ZFHX3: variants seen among roughly 807,000 people sequenced by gnomAD.
ZFHX3 encodes zinc finger homeobox protein 3.
A neutral mutation model predicts 279.1 loss-of-function variants in ZFHX3; 42 were observed. The observed-to-expected ratio is 0.15, with a 90% CI of 0.12 to 0.19. The LOEUF (loss-of-function observed/expected upper bound fraction) is 0.19. ZFHX3 is among the 10% of genes least tolerant of loss of function. The probability of loss-of-function intolerance (pLI) is 1.00; values close to 1 mark genes in which losing one functional copy is unlikely to be tolerated. For synonymous variants in ZFHX3, 2,293 were observed against 1,957.8 expected, an observed-to-expected ratio of 1.17 and a Z score of -4.52; for missense variants, 4,981 against 4,754.0, an observed-to-expected ratio of 1.05 and a Z score of -1.40.
intron 1 of ZFHX3, among the ~76,000 whole-genome samples, chr16:73,765,367 G>C (rs931589628): frequency 6.6e-6 from 1 of 152,148 alleles, no homozygotes; most frequent in Non-Finnish European, 1.5e-5. Flanking sequence ...TGTGTATATG[G>C]GGGAAATATG....
intron 2 of ZFHX3, among the ~76,000 whole-genome samples, chr16:73,541,058 C>T (rs1421139175): frequency 6.6e-6 from 1 of 152,202 alleles, no homozygotes; most frequent in Non-Finnish European, 1.5e-5. Context: ...TACCCCAAAG[C>T]ACCAGGCCAG....
intron 4 of ZFHX3, among the ~76,000 whole-genome samples, chr16:73,312,225 C>T (rs550925937): frequency 8.6e-5 from 13 of 152,020 alleles, no homozygotes; most frequent in Admixed American, 3.3e-4. Flanking sequence ...TTTAGTCTGA[C>T]GACAAGAACA....
chr16:73,367,305 C>A (rs6564058), intron 3 of ZFHX3, among the ~76,000 whole-genome samples: 4 of 152,028 alleles, frequency 2.6e-5, no homozygotes, highest in African/African-American at 9.7e-5. Context: ...GATGGCTCAC[C>A]GCCCAGAAGA....
Position 73,266,032 on chromosome 16 carries a change from G to A in ZFHX3, c.-1193-8896C>T, listed in dbSNP as rs145953622. Among the ~76,000 whole-genome samples the A allele has an allele frequency of 1.3e-4, 20 of 152,302 alleles. No homozygotes were observed. The East Asian group carries it at 3.9e-3, about 29-fold the overall frequency. On this transcript the variant is annotated intron_variant, in intron 4 of 17. Coordinates refer to the ZFHX3 transcript ENST00000641206. ...AGGAAACACAGCAATGGGGAAGTCC[G>A]TTTCGAAAACAAACCACTTACTCTT...
intron 2 of ZFHX3, among the ~76,000 whole-genome samples, chr16:73,556,902 T>C (rs1258688120): frequency 2.6e-5 from 4 of 151,850 alleles, no homozygotes; most frequent in Non-Finnish European, 5.9e-5. Flanking sequence ...GAGACCATCC[T>C]GGCTCACATG....
At chr16:73,613,874 G>C (rs953954919) in intron 2 of ZFHX3, among the ~76,000 whole-genome samples, 1 of 152,128 alleles carries the variant, frequency 6.6e-6, no homozygotes, top group African/African-American at 2.4e-5. Flanking sequence ...GGGAGGGCGC[G>C]GTCACAGCGC....
chr16:73,211,852 G>T (rs2012030758), intron 5 of ZFHX3, among the ~76,000 whole-genome samples: 1 of 152,008 alleles, frequency 6.6e-6, no homozygotes, highest in African/African-American at 2.4e-5. Context: ...GGAGGGGGGT[G>T]GCAAGTGAGT....
chr16:73,435,802 A>C (rs747943885), intron 3 of ZFHX3, among the ~76,000 whole-genome samples: 1 of 152,166 alleles, frequency 6.6e-6, no homozygotes, highest in Non-Finnish European at 1.5e-5. Context: ...AGTCACCCTC[A>C]GGACCTTAGG....
chr16:73,189,924 A>T (rs1330143409), intron 5 of ZFHX3, among the ~76,000 whole-genome samples: 2 of 152,156 alleles, frequency 1.3e-5, no homozygotes, highest in African/African-American at 4.8e-5. Flanking sequence ...GGAGACCCTC[A>T]TCTCTAAAAA....
intron 1 of ZFHX3, among the ~76,000 whole-genome samples, chr16:73,003,915 T>C (rs1356512610): frequency 3.3e-5 from 5 of 150,238 alleles, no homozygotes; most frequent in African/African-American, 1.2e-4. Context: ...TACTAATTTT[T>C]ATACCCAATA....
chr16:73,248,106 A>C (rs1238753686), intron 5 of ZFHX3, among the ~76,000 whole-genome samples: 1 of 150,578 alleles, frequency 6.6e-6, no homozygotes, highest in Non-Finnish European at 1.5e-5. Flanking sequence ...ATGTGCCTGT[A>C]TGTGGAGTGT....
chr16:73,073,564 T>A (rs550649192), intron 8 of ZFHX3, among the ~76,000 whole-genome samples: 2 of 152,320 alleles, frequency 1.3e-5, no homozygotes, highest in Admixed American at 1.3e-4. Flanking sequence ...AGGGGCACGA[T>A]CTCAGCTCAC....
At chr16:72,874,946 A>G (rs575169986) in intron 4 of ZFHX3, among the ~76,000 whole-genome samples, 3 of 152,286 alleles carry the variant, frequency 2.0e-5, no homozygotes, top group South Asian at 4.2e-4. Flanking sequence ...ACACACCACA[A>G]CTGCTGGGGT....
Position 72,787,168 on chromosome 16 carries a change from A to C in ZFHX3, c.11108T>G (p.Leu3703Trp). 6.6e-7 allele frequency: 1 copy of C among 1,519,250 alleles called. No homozygotes were observed. The highest frequency in any genetic ancestry group is 2.3e-5 in the East Asian group (1 of 42,786). The allele number at this position is 1,519,250 out of a possible 1,614,324, so 94.1% of individuals were successfully genotyped here. A position where few individuals can be genotyped will look rare whatever the true frequency, so the allele number is the denominator to read the frequency against. Reference sequence around the variant, plus strand: ...TGTATTGTTCATCTTCAAAGCTTACAATCTGAAGGTGTCCGTTCCTACACT... The same window carrying C: ...TGTATTGTTCATCTTCAAAGCTTACCATCTGAAGGTGTCCGTTCCTACACT... ...LTSVGTDTFR[L>W] The change falls in exon 10 of 10, where the codon TTG (leucine) becomes TGG (tryptophan). Residue 3703 changes from leucine (L) to tryptophan (W), a missense_variant. Coordinates refer to ENST00000268489, the MANE Select transcript of ZFHX3 (RefSeq NM_006885.4).
At chr16:73,747,872 C>T (rs1567397025) in intron 1 of ZFHX3, among the ~76,000 whole-genome samples, 1 of 152,108 alleles carries the variant, frequency 6.6e-6, no homozygotes, top group Non-Finnish European at 1.5e-5. Flanking sequence ...TGCATAGCCT[C>T]CAAAACTGGT....
chr16:73,639,947 T>A (rs1427764198), intron 2 of ZFHX3, among the ~76,000 whole-genome samples: 1 of 152,048 alleles, frequency 6.6e-6, no homozygotes, highest in Admixed American at 6.6e-5. Flanking sequence ...GGAAACTGAC[T>A]CTCCCTGCAG....
Position 73,888,690 on chromosome 16 carries a change from A to G in ZFHX3, c.-1608+2961T>C, listed in dbSNP as rs762344970. 1.2e-4 allele frequency among the ~76,000 whole-genome samples: 18 copies of G among 152,314 alleles called. No individual in the cohort carries two copies. The Middle Eastern group carries it at 0.01, about 86-fold the overall frequency. On this transcript the variant is annotated intron_variant, in intron 1 of 17. Coordinates refer to the ZFHX3 transcript ENST00000641206. Reference sequence around the variant, plus strand: ...TGTTCAGATGCCGATTCTGAAAACGATAACAAAAGAATACTCAAGAAGATA... The same window carrying G: ...TGTTCAGATGCCGATTCTGAAAACGGTAACAAAAGAATACTCAAGAAGATA...
intron 1 of ZFHX3, among the ~76,000 whole-genome samples, chr16:72,981,075 A>C (rs1444105584): frequency 6.6e-6 from 1 of 152,076 alleles, no homozygotes; most frequent in African/African-American, 2.4e-5. Context: ...GCCTTTTTTC[A>C]AAGAAATGTG....
At chr16:72,876,141 T>C (rs1005126408) in intron 4 of ZFHX3, among the ~76,000 whole-genome samples, 2 of 152,208 alleles carry the variant, frequency 1.3e-5, no homozygotes, top group South Asian at 2.1e-4. Flanking sequence ...CGTGCATGCA[T>C]GCAACTTCAG....
Sources: allele counts gnomAD v4.1 joint callset (sites outside exome capture counted in the v4.1 genomes callset), GRCh38; gene constraint gnomAD v4.1.1; transcripts MANE v1.5; gene names NCBI Gene and HGNC (gene_info 2026-07-23, HGNC 2026-07-21).